Variants in FAM171A1 observed in about 807,000 individuals in gnomAD.
The protein encoded by FAM171A1 is protein FAM171A1.
In FAM171A1, 23 loss-of-function variants were observed where a neutral mutation model predicts 74.9. The ratio of observed to expected loss-of-function variants is 0.31; its 90% CI spans 0.22 to 0.44. The LOEUF (loss-of-function observed/expected upper bound fraction) is 0.44, where lower values mean the gene tolerates loss of function less well. FAM171A1 is among the 20% of genes least tolerant of loss of function. The probability of loss-of-function intolerance (pLI) is 1.00; values close to 1 mark genes in which losing one functional copy is unlikely to be tolerated. For synonymous variants in FAM171A1, 527 were observed against 505.7 expected (o/e 1.04, Z -0.57); for missense variants, 1,162 against 1,159.2 (o/e 1.00, Z -0.03).
chr10:15,295,980 C>T (rs981186800), intron 1 of FAM171A1, among the ~76,000 whole-genome samples: 5 of 152,172 alleles, frequency 3.3e-5, no homozygotes, highest in Non-Finnish European at 2.9e-5. Context: ...TGTTACCTGA[C>T]CTTTGCTCTA....
intron 1 of FAM171A1, among the ~76,000 whole-genome samples, chr10:15,302,048 T>G (rs1401055245): frequency 2.6e-5 from 4 of 152,198 alleles, no homozygotes; most frequent in Non-Finnish European, 5.9e-5. Flanking sequence ...TTCAAATTCT[T>G]AAATCACCCT....
At chr10:15,356,769 G>A (rs144784863) in intron 1 of FAM171A1, among the ~76,000 whole-genome samples, 3,127 of 152,112 alleles carry the variant, frequency 0.021, 106 homozygotes, top group African/African-American at 0.072. Context: ...TCAGGAGCTC[G>A]AGACCAGCCT....
At chr10:15,289,209 C>G (rs962602525) in intron 1 of FAM171A1, among the ~76,000 whole-genome samples, 1 of 152,128 alleles carries the variant, frequency 6.6e-6, no homozygotes, top group Non-Finnish European at 1.5e-5. Context: ...GCAAACAAAA[C>G]TATCCCTAAC....
chr10:15,213,163 C>T lies in FAM171A1; in HGVS notation c.2425G>A (p.Glu809Lys), dbSNP rs764301341. ...AACAAGCATCGCAGGGCACTGTCCT[C>T]GGGGGTACAGACCGTGGTCCCACAT... ...SECGTTVCTPEDSALRCLLEG... is the reference protein window; with the variant it reads ...SECGTTVCTPKDSALRCLLEG... The change falls in exon 8 of 8, where the codon GAG becomes AAG. Residue 809 changes from glutamate (E) to lysine (K), a missense_variant. Physicochemically the swap from Glu to Lys is moderately conservative, Grantham distance 56. Transcript: ENST00000378116. The surrounding 1 kb of genome is among the most constrained non-coding windows in gnomAD (Gnocchi z 6.8). The T allele has an allele frequency of 7.4e-6, 12 of 1,614,012 alleles. No homozygotes were observed. The highest frequency in any genetic ancestry group is 1.3e-5 in the African/African-American group (1 of 74,918).
intron 1 of FAM171A1, among the ~76,000 whole-genome samples, chr10:15,317,497 C>T (rs149183105): frequency 1.4e-3 from 220 of 152,218 alleles, no homozygotes; most frequent in African/African-American, 4.6e-3. Context: ...CAGGTTCAAG[C>T]GACTCTCCTG....
chr10:15,343,564 G>A, intron 1 of FAM171A1, among the ~76,000 whole-genome samples: 1 of 152,214 alleles, frequency 6.6e-6, no homozygotes, highest in East Asian at 1.9e-4. Context: ...AACACCTGAT[G>A]CTTTAGGAAG....
intron 1 of FAM171A1, among the ~76,000 whole-genome samples, chr10:15,330,291 A>T (rs1357480884): frequency 6.6e-6 from 1 of 152,178 alleles, no homozygotes; most frequent in Admixed American, 6.5e-5. Context: ...GTGAGCCAAG[A>T]TTGCACCACT....
intron 3 of FAM171A1, among the ~76,000 whole-genome samples, chr10:15,272,422 G>T (rs1834838186): frequency 6.6e-6 from 1 of 152,128 alleles, no homozygotes; most frequent in African/African-American, 2.4e-5. Flanking sequence ...AAGAGTCTTA[G>T]ACTCCCACAC....
rs756801898 is a variant in FAM171A1 at position 15,213,566 on chromosome 10, G to C, written c.2022C>G (p.Asn674Lys). 8.1e-6 allele frequency: 13 copies of C among 1,614,064 alleles called. No individual in the cohort carries two copies. The South Asian group carries it at 1.3e-4, about 16-fold the overall frequency. Reference sequence around the variant, plus strand: ...TGTTCATCTGAGCCAAAGCCGCGTCGTTCAGGGAAGCTGGGATGGAGAGAG... The same window carrying C: ...TGTTCATCTGAGCCAAAGCCGCGTCCTTCAGGGAAGCTGGGATGGAGAGAG... ...SESLSIPASL[N>K]DAALAQMNSE... Residue 674 changes from asparagine to lysine, a missense_variant, in exon 8 of 8, where the codon AAC becomes AAG. Coordinates refer to ENST00000378116, the MANE Select transcript of FAM171A1 (RefSeq NM_001010924.2). This position sits in a 1 kb window ranked among gnomAD's most constrained non-coding sequence, Gnocchi z 6.8.
chr10:15,346,771 G>T (rs1489018330), intron 1 of FAM171A1, among the ~76,000 whole-genome samples: 2 of 152,234 alleles, frequency 1.3e-5, no homozygotes, highest in African/African-American at 4.8e-5. Flanking sequence ...CTGTGAACTA[G>T]GAAGGCAAGT....
intron 1 of FAM171A1, among the ~76,000 whole-genome samples, chr10:15,289,273 A>G (rs558389011): frequency 6.6e-6 from 1 of 152,218 alleles, no homozygotes; most frequent in East Asian, 1.9e-4. Context: ...TAGTTACTAC[A>G]TGACTCTCAT....
Position 15,248,932 on chromosome 10 carries a change from T to A in FAM171A1, c.578-117A>T, listed in dbSNP as rs1834471914. 3 of 916,928 alleles carry A rather than the reference T, an allele frequency of 3.3e-6. No homozygotes were observed. In the East Asian group the frequency reaches 8.2e-5, roughly 25 times the overall value. 56.8% of individuals were successfully genotyped at this position (916,928 alleles called of 1,614,324 possible). A position where few individuals can be genotyped will look rare whatever the true frequency, so the allele number is the denominator to read the frequency against. ...TACCTCCTATATGCCAGGGACTGCATGAAGCACTTTACATACATAATCCTC... is the reference window on the plus strand; with the variant it reads ...TACCTCCTATATGCCAGGGACTGCAAGAAGCACTTTACATACATAATCCTC... On this transcript the variant is annotated intron_variant, in intron 4 of 7. Transcript: ENST00000378116.
In FAM171A1 at chr10:15,333,299, G is replaced by T. The variant is rs534293879; in HGVS notation, c.97+37657C>A. Among the ~76,000 whole-genome samples the T allele has an allele frequency of 2.0e-5, 3 of 152,210 alleles. No individual in the cohort carries two copies. The South Asian group carries it at 6.2e-4, about 32-fold the overall frequency. On this transcript the variant is annotated intron_variant, in intron 1 of 7. Transcript: ENST00000378116. ...ACCTGAGGTCAGGAGTTCGAGACCA[G>T]CCTGACCAATATGGTGATGGTGAAA... is the stretch of plus-strand genomic sequence containing the variant.
chr10:15,286,150 G>A (rs543024108), intron 1 of FAM171A1, among the ~76,000 whole-genome samples: 17 of 152,310 alleles, frequency 1.1e-4, no homozygotes, highest in Non-Finnish European at 1.9e-4. Flanking sequence ...TTCCAATCAT[G>A]ATGCTTGTAA....
Position 15,335,814 on chromosome 10 carries a change from C to T in FAM171A1, c.97+35142G>A, listed in dbSNP as rs1835693529. 2.0e-5 allele frequency among the ~76,000 whole-genome samples: 3 copies of T among 152,290 alleles called. No homozygotes were observed. The South Asian group carries it at 6.2e-4, about 32-fold the overall frequency. ...AAAATGGAGTAAAAATGTGTGTATA[C>T]TGATGCCCTGCTTTTTTTCTAATAC... is the stretch of plus-strand genomic sequence containing the variant. On this transcript the variant is annotated intron_variant, in intron 1 of 7. Coordinates refer to ENST00000378116, the MANE Select transcript of FAM171A1 (RefSeq NM_001010924.2).
chr10:15,322,505 A>G (rs972128935), intron 1 of FAM171A1, among the ~76,000 whole-genome samples: 4 of 152,192 alleles, frequency 2.6e-5, no homozygotes, highest in African/African-American at 9.7e-5. Flanking sequence ...GTTAGGGCTG[A>G]TTATCTCTAA....
intron 1 of FAM171A1, among the ~76,000 whole-genome samples, chr10:15,357,163 A>G (rs1051966039): frequency 6.6e-6 from 1 of 151,816 alleles, no homozygotes; most frequent in African/African-American, 2.4e-5. Context: ...GGCGCCTGTA[A>G]TCCCAGCTAC....
chr10:15,326,899 AT>A (rs1460301995), intron 1 of FAM171A1, among the ~76,000 whole-genome samples: 1 of 152,160 alleles, frequency 6.6e-6, no homozygotes, highest in African/African-American at 2.4e-5. Context: ...AAGGGCTGGG[AT>A]TACAGGCGTG....
At chr10:15,219,154 G>T (rs1051530499) in intron 6 of FAM171A1, among the ~76,000 whole-genome samples, 4 of 152,032 alleles carry the variant, frequency 2.6e-5, no homozygotes, top group Non-Finnish European at 5.9e-5. Flanking sequence ...TGGCGGCGGA[G>T]ACCTGTAATC....
Sources: allele counts gnomAD v4.1 joint callset (sites outside exome capture counted in the v4.1 genomes callset), GRCh38; gene constraint gnomAD v4.1.1; non-coding constraint Gnocchi (gnomAD v3.1); transcripts MANE v1.5; gene names NCBI Gene and HGNC (gene_info 2026-07-23, HGNC 2026-07-21).